NBEA: variants seen among roughly 807,000 people sequenced by gnomAD.
The protein encoded by NBEA is neurobeachin, also known as lysosomal-trafficking regulator 2.
A neutral mutation model predicts 343.4 loss-of-function variants in NBEA; 44 were observed. The observed-to-expected ratio is 0.13, with a 90% CI of 0.10 to 0.16. NBEA has a LOEUF of 0.16. NBEA is among the 10% of genes least tolerant of loss of function. The pLI is 1.00. For missense variants in NBEA, 2,555 were observed against 3,631.3 expected (o/e 0.70, Z 7.62); for synonymous variants, 1,175 against 1,238.7 (o/e 0.95, Z 1.08).
At position 35,530,068 on chromosome 13, in the gene NBEA, T is replaced by C. The variant is rs78543563; in HGVS notation, c.6586-20409T>C. 7.3e-3 allele frequency among the ~76,000 whole-genome samples: 1,112 copies of C among 152,340 alleles called. 19 individuals carry two copies. The highest frequency in any genetic ancestry group is 0.064 in the East Asian group (334 of 5,190). On this transcript the variant is annotated intron_variant, in intron 41 of 58. Coordinates refer to ENST00000379939, the MANE Select transcript of NBEA (RefSeq NM_001385012.1). ...GTTTCTTTACTCTGTGTTCATAGTA[T>C]CAAAGTAAGCTTTGTATCTGTTTTT...
At chr13:35,392,912 T>C (rs2042573737) in intron 38 of NBEA, among the ~76,000 whole-genome samples, 1 of 152,166 alleles carries the variant, frequency 6.6e-6, no homozygotes, top group South Asian at 2.1e-4. Context: ...ATAGGACACA[T>C]TGTGGTTATT....
rs185268531 is a variant in NBEA at position 35,267,444 on chromosome 13, G to A, written c.5777-22945G>A. Among the ~76,000 whole-genome samples, 17 of 151,914 alleles carry A rather than the reference G, an allele frequency of 1.1e-4. No homozygotes were observed. The East Asian group carries it at 3.3e-3, about 29-fold the overall frequency. ...GAAAAGCATTAGGGCATTGGATTTG[G>A]CAATTATATCTTGGATATGACACCA... On this transcript the variant is annotated intron_variant, in intron 34 of 58. Transcript: ENST00000379939.
intron 1 of NBEA, among the ~76,000 whole-genome samples, chr13:34,970,259 T>C (rs1044412622): frequency 2.0e-5 from 3 of 152,178 alleles, no homozygotes; most frequent in African/African-American, 7.2e-5. Flanking sequence ...TTTTTTTCCT[T>C]GTAAATTTGT....
At chr13:35,614,690 T>C (rs1163447657) in intron 48 of NBEA, among the ~76,000 whole-genome samples, 1 of 152,176 alleles carries the variant, frequency 6.6e-6, no homozygotes. Flanking sequence ...TAAATTAATG[T>C]AACTACAGGC....
At position 35,626,942 on chromosome 13, in the gene NBEA, C is replaced by CA. The variant is rs1352399373; in HGVS notation, c.7450-1133dup. ...CACACTAATTGGTGTAGATGAAATACAAAAAATTTTGAAAGGAATAAATCA... is the reference window on the plus strand; with the variant it reads ...CACACTAATTGGTGTAGATGAAATACAAAAAAATTTTGAAAGGAATAAATCA... On this transcript the variant is annotated intron_variant, in intron 48 of 58. Coordinates refer to ENST00000379939, the MANE Select transcript of NBEA (RefSeq NM_001385012.1). Among the ~76,000 whole-genome samples the CA allele has an allele frequency of 2.8e-4, 43 of 151,674 alleles. No homozygotes were observed. In the Middle Eastern group the frequency reaches 0.017, roughly 60 times the overall value.
At chr13:35,473,419 T>C (rs2152959595) in intron 41 of NBEA, among the ~76,000 whole-genome samples, 1 of 152,284 alleles carries the variant, frequency 6.6e-6, no homozygotes, top group South Asian at 2.1e-4. Context: ...GATCCAGAAC[T>C]TTATTGTTTT....
intron 41 of NBEA, among the ~76,000 whole-genome samples, chr13:35,534,162 C>T (rs1379954818): frequency 1.3e-5 from 2 of 152,008 alleles, no homozygotes; most frequent in East Asian, 1.9e-4. Context: ...TTTCATAATA[C>T]TCGTAAATCT....
At chr13:35,166,049 T>C (rs1039658478) in intron 24 of NBEA, among the ~76,000 whole-genome samples, 17 of 152,186 alleles carry the variant, frequency 1.1e-4, no homozygotes, top group African/African-American at 3.6e-4. Flanking sequence ...GACATTTTTC[T>C]TGATCATATA....
chr13:35,104,604 A>G (rs1466874116), intron 11 of NBEA, among the ~76,000 whole-genome samples: 2 of 151,844 alleles, frequency 1.3e-5, no homozygotes, highest in Non-Finnish European at 2.9e-5. Flanking sequence ...GTTAGTATTA[A>G]TAGTATAGGT....
At chr13:35,320,840 A>G (rs1235961848) in intron 36 of NBEA, among the ~76,000 whole-genome samples, 2 of 151,922 alleles carry the variant, frequency 1.3e-5, no homozygotes, top group African/African-American at 2.4e-5. Context: ...TTATTTCATT[A>G]AGTTGATCTT....
intron 24 of NBEA, 62 bp downstream of exon 24, chr13:35,164,571 T>TG: frequency 2.6e-6 from 4 of 1,517,550 alleles, no homozygotes; most frequent in Non-Finnish European, 3.6e-6. Flanking sequence ...AGCATTTCAG[T>TG]GGTGGTCTAG....
At chr13:35,428,361 G>T (rs2044855211) in intron 38 of NBEA, among the ~76,000 whole-genome samples, 3 of 152,120 alleles carry the variant, frequency 2.0e-5, no homozygotes, top group African/African-American at 7.2e-5. Flanking sequence ...TGACACAAAT[G>T]CTAAATGTTG....
chr13:35,354,252 TC>T (rs2040368443), intron 38 of NBEA, among the ~76,000 whole-genome samples: 1 of 152,178 alleles, frequency 6.6e-6, no homozygotes, highest in African/African-American at 2.4e-5. Context: ...AGACCTTGTC[TC>T]CCTTTTTGTG....
chr13:35,018,664 A>G (rs73167735), intron 1 of NBEA, among the ~76,000 whole-genome samples: 2,690 of 152,248 alleles, frequency 0.018, 27 homozygotes, highest in Middle Eastern at 0.031. Context: ...TTGCGTGTAG[A>G]TGATTATGAG....
intron 1 of NBEA, among the ~76,000 whole-genome samples, chr13:35,023,642 A>G (rs1340967263): frequency 2.0e-5 from 3 of 152,188 alleles, no homozygotes; most frequent in Non-Finnish European, 4.4e-5. Context: ...GTGTATGTAA[A>G]TATAGTTACC....
chr13:35,163,767 T>A (rs1324137413), intron 23 of NBEA, among the ~76,000 whole-genome samples: 2 of 152,140 alleles, frequency 1.3e-5, no homozygotes, highest in African/African-American at 4.8e-5. Flanking sequence ...GTTCTTGAAT[T>A]TGTACTGATT....
intron 33 of NBEA, among the ~76,000 whole-genome samples, chr13:35,215,342 C>T (rs1291906260): frequency 6.6e-6 from 1 of 151,324 alleles, no homozygotes; most frequent in Non-Finnish European, 1.5e-5. Context: ...AACTCTTGTA[C>T]TTATTTTTAT....
intron 38 of NBEA, among the ~76,000 whole-genome samples, chr13:35,372,071 G>A (rs1365493634): frequency 6.6e-6 from 1 of 152,192 alleles, no homozygotes; most frequent in African/African-American, 2.4e-5. Context: ...GCAAGTCCAG[G>A]CATACCAATT....
intron 46 of NBEA, among the ~76,000 whole-genome samples, chr13:35,589,050 C>T (rs908452678): frequency 5.3e-5 from 8 of 152,060 alleles, no homozygotes; most frequent in African/African-American, 1.7e-4. Context: ...GATAGTGCTA[C>T]TGAATAAAAT....
Sources: gnomAD v4.1 joint callset for allele counts (sites outside exome capture counted in the v4.1 genomes callset) on GRCh38, gnomAD v4.1.1 for gene constraint, MANE v1.5 for transcripts, NCBI Gene and HGNC (gene_info 2026-07-23, HGNC 2026-07-21) for gene names.